The following MDFIC2 variants were observed in gnomAD, a reference collection of about 807,000 sequenced individuals.
MDFIC2 encodes the protein MyoD family inhibitor domain containing 2.
intron 2 of MDFIC2, chr3:70,249,137 T>C (rs1198863478): frequency 6.6e-6 from 1 of 152,192 alleles, no homozygotes; most frequent in Non-Finnish European, 1.5e-5. Flanking sequence ...TTCAGATCGA[T>C]GTGGATGTAC....
intron 2 of MDFIC2, among the ~76,000 whole-genome samples, chr3:70,254,315 C>A (rs1241394506): frequency 6.6e-6 from 1 of 152,110 alleles, no homozygotes; most frequent in African/African-American, 2.4e-5. Context: ...ATCTCAACCC[C>A]AAACATTCTA....
chr3:70,242,200 T>C (rs1296092286), intron 2 of MDFIC2, among the ~76,000 whole-genome samples: 1 of 152,204 alleles, frequency 6.6e-6, no homozygotes, highest in African/African-American at 2.4e-5. Context: ...GGAGTATCTT[T>C]CCAACCTTTT....
At chr3:70,289,291 A>T (rs1214603628) in intron 2 of MDFIC2, among the ~76,000 whole-genome samples, 1 of 151,046 alleles carries the variant, frequency 6.6e-6, no homozygotes, top group Non-Finnish European at 1.5e-5. Flanking sequence ...CTTGTCTGTA[A>T]AGTATTTTAT....
chr3:70,195,953 A>G lies in MDFIC2; in HGVS notation c.*973T>C, dbSNP rs993862761. On this transcript the variant is annotated 3_prime_UTR_variant, in exon 4 of 4. Coordinates refer to ENST00000567252, the MANE Select transcript of MDFIC2 (RefSeq NM_001364677.1). ...GACATAATTATTGATCACTTTAATTATCAGACAAAGAAAAACATGGTTTCT... is the reference window on the plus strand; with the variant it reads ...GACATAATTATTGATCACTTTAATTGTCAGACAAAGAAAAACATGGTTTCT... Among the ~76,000 whole-genome samples the G allele has an allele frequency of 6.6e-6, 1 of 152,362 alleles. No individual in the cohort carries two copies. The highest frequency in any genetic ancestry group is 6.5e-5 in the Admixed American group (1 of 15,308).
At chr3:70,225,223 A>C (rs958966844) in intron 2 of MDFIC2, among the ~76,000 whole-genome samples, 1 of 152,216 alleles carries the variant, frequency 6.6e-6, no homozygotes, top group South Asian at 2.1e-4. Context: ...AGAGAAATGT[A>C]TAATACTGAT....
intron 2 of MDFIC2, among the ~76,000 whole-genome samples, chr3:70,222,191 A>G (rs763545502): frequency 1.3e-5 from 2 of 152,134 alleles, no homozygotes; most frequent in African/African-American, 4.8e-5. Context: ...CTGAAAATCT[A>G]AGGCAGGTGA....
intron 2 of MDFIC2, among the ~76,000 whole-genome samples, chr3:70,247,117 A>G (rs1315706526): frequency 6.6e-6 from 1 of 152,002 alleles, no homozygotes; most frequent in Non-Finnish European, 1.5e-5. Flanking sequence ...AGATCAATTC[A>G]TGTTGCTTGA....
chr3:70,276,864 A>G (rs909123530), intron 2 of MDFIC2, among the ~76,000 whole-genome samples: 2 of 152,248 alleles, frequency 1.3e-5, no homozygotes, highest in Admixed American at 6.5e-5. Context: ...TTCAAATTAG[A>G]TTGTAGTTTT....
At chr3:70,275,523 T>C (rs6549326) in intron 2 of MDFIC2, among the ~76,000 whole-genome samples, 151,594 of 152,234 alleles carry the variant, frequency 1, 75,485 homozygotes, top group East Asian at 1. Context: ...TCTCAAAAAA[T>C]AAAACAAAAC....
chr3:70,286,830 G>T (rs1046885581), intron 2 of MDFIC2, among the ~76,000 whole-genome samples: 23 of 152,166 alleles, frequency 1.5e-4, no homozygotes, highest in Admixed American at 9.2e-4. Flanking sequence ...AATTGCGAAT[G>T]AGAGTTCTCA....
At position 70,255,813 on chromosome 3, in the gene MDFIC2, A is replaced by G. The variant is rs148876361; in HGVS notation, c.89-49023T>C. Among the ~76,000 whole-genome samples, 798 of 152,330 alleles carry G rather than the reference A, an allele frequency of 5.2e-3. 5 individuals carry two copies. Among genetic ancestry groups the G allele is most frequent in the African/African-American group, 0.018 (733 of 41,570 alleles). On this transcript the variant is annotated intron_variant, in intron 2 of 3. Transcript: ENST00000567252. Reference sequence around the variant, plus strand: ...CCCTCTGAACATTAGGAATTGGGAAATGATCAATGCACACCAATTGATGGA... The same window carrying G: ...CCCTCTGAACATTAGGAATTGGGAAGTGATCAATGCACACCAATTGATGGA...
chr3:70,204,137 A>G (rs1036072832), intron 3 of MDFIC2, among the ~76,000 whole-genome samples: 2 of 152,168 alleles, frequency 1.3e-5, no homozygotes, highest in Non-Finnish European at 2.9e-5. Context: ...ATGTATATAA[A>G]TAATAGATAT....
At chr3:70,307,650 C>T (rs959264968) in intron 2 of MDFIC2, among the ~76,000 whole-genome samples, 3 of 152,076 alleles carry the variant, frequency 2.0e-5, no homozygotes, top group African/African-American at 4.8e-5. Context: ...GTGTATTAGC[C>T]GTCACCACCC....
In MDFIC2 at chr3:70,257,240, T is replaced by G. The variant is rs572140461; in HGVS notation, c.89-50450A>C. ...CTTTGGCAAACCCTTCCCCATTCCT[T>G]AAAACCTGGCACATCTGGCCATTCA... On this transcript the variant is annotated intron_variant, in intron 2 of 3. Coordinates refer to ENST00000567252, the MANE Select transcript of MDFIC2 (RefSeq NM_001364677.1). Among the ~76,000 whole-genome samples, 5 of 152,342 alleles carry G rather than the reference T, an allele frequency of 3.3e-5. No individual in the cohort carries two copies. In the East Asian group the frequency reaches 7.7e-4, roughly 24 times the overall value.
At chr3:70,207,819 T>C (rs1701306339) in intron 2 of MDFIC2, among the ~76,000 whole-genome samples, 1 of 152,004 alleles carries the variant, frequency 6.6e-6, no homozygotes, top group Admixed American at 6.6e-5. Flanking sequence ...GACCTGAGCA[T>C]CTGAAAATTT....
chr3:70,246,756 T>C (rs758660655), intron 2 of MDFIC2, among the ~76,000 whole-genome samples: 59 of 152,038 alleles, frequency 3.9e-4, no homozygotes, highest in Admixed American at 2.6e-4. Context: ...TGTGTATTCT[T>C]TATAAAGTAG....
chr3:70,299,738 C>A (rs1011333087), intron 2 of MDFIC2, among the ~76,000 whole-genome samples: 16 of 152,164 alleles, frequency 1.1e-4, no homozygotes, highest in African/African-American at 3.9e-4. Flanking sequence ...TCGTAATATC[C>A]TCAACTCACA....
chr3:70,202,826 G>A (rs1236798719), intron 3 of MDFIC2, among the ~76,000 whole-genome samples: 1 of 152,086 alleles, frequency 6.6e-6, no homozygotes, highest in Non-Finnish European at 1.5e-5. Flanking sequence ...TGTACAACTG[G>A]GGACTGGCTA....
At chr3:70,295,898 C>T (rs1001840826) in intron 2 of MDFIC2, among the ~76,000 whole-genome samples, 3 of 152,120 alleles carry the variant, frequency 2.0e-5, no homozygotes, top group African/African-American at 4.8e-5. Flanking sequence ...GCCTTGTTTC[C>T]CATACTTGCT....
Sources: gnomAD v4.1 joint callset for allele counts (sites outside exome capture counted in the v4.1 genomes callset) on GRCh38, gnomAD v4.1.1 for gene constraint, MANE v1.5 for transcripts, NCBI Gene and HGNC (gene_info 2026-07-23, HGNC 2026-07-21) for gene names.